Variants in TMCC1 observed in about 807,000 individuals in gnomAD.
TMCC1 encodes the protein transmembrane and coiled-coil domains protein 1.
In TMCC1, 15 loss-of-function variants were observed where a neutral mutation model predicts 52.4. That is an observed-to-expected ratio of 0.29 (90% CI 0.19 to 0.44). TMCC1 has a LOEUF of 0.44. Among genes scored for constraint, TMCC1 ranks in the 20% least tolerant of loss-of-function variants. The probability of loss-of-function intolerance (pLI) is 1.00; values close to 1 mark genes in which losing one functional copy is unlikely to be tolerated. For synonymous variants in TMCC1, 279 were observed against 301.9 expected (o/e 0.92, Z 0.79); for missense variants, 503 against 806.0 (o/e 0.62, Z 4.55).
At position 129,876,209 on chromosome 3, in the gene TMCC1, T is replaced by A. The variant is rs1263179010; in HGVS notation, c.-184+4100A>T. ...CTTCATTCTTTTGATAATTGCTATG[T>A]TGAACACAACCTGCTAACTGCTTTA... On this transcript the variant is annotated intron_variant, in intron 2 of 6. Coordinates refer to ENST00000393238, the MANE Select transcript of TMCC1 (RefSeq NM_001017395.5). Among the ~76,000 whole-genome samples the A allele has an allele frequency of 3.3e-5, 5 of 151,424 alleles. No individual in the cohort carries two copies. The East Asian group carries it at 9.6e-4, about 29-fold the overall frequency.
intron 4 of TMCC1, among the ~76,000 whole-genome samples, chr3:129,785,252 A>G (rs1008759289): frequency 2.0e-5 from 3 of 152,300 alleles, no homozygotes; most frequent in Non-Finnish European, 4.4e-5. Flanking sequence ...AGTGTCAGTG[A>G]AAAACAGTAA....
intron 4 of TMCC1, among the ~76,000 whole-genome samples, chr3:129,795,467 T>TTC (rs2056759711): frequency 6.6e-6 from 1 of 152,170 alleles, no homozygotes; most frequent in African/African-American, 2.4e-5. Context: ...ATATTTTTTT[T>TTC]CCCTGTTCCA....
At chr3:129,807,821 C>T (rs551976797) in intron 4 of TMCC1, among the ~76,000 whole-genome samples, 2 of 152,156 alleles carry the variant, frequency 1.3e-5, no homozygotes, top group South Asian at 4.1e-4. Context: ...CTTCCATGCA[C>T]CCTTATTCTA....
At chr3:129,805,353 G>A (rs1560456863) in intron 4 of TMCC1, among the ~76,000 whole-genome samples, 1 of 152,024 alleles carries the variant, frequency 6.6e-6, no homozygotes, top group Admixed American at 6.6e-5. Flanking sequence ...TGTAGAGATA[G>A]GGTTTTGCCT....
intron 4 of TMCC1, among the ~76,000 whole-genome samples, chr3:129,822,205 T>A (rs928122925): frequency 6.6e-6 from 1 of 152,224 alleles, no homozygotes; most frequent in African/African-American, 2.4e-5. Flanking sequence ...GGGATTAAAA[T>A]AACTTTAGGG....
At chr3:129,879,774 AT>A (rs1336676514) in intron 2 of TMCC1, among the ~76,000 whole-genome samples, 1 of 152,216 alleles carries the variant, frequency 6.6e-6, no homozygotes, top group Non-Finnish European at 1.5e-5. Context: ...TCATACAGCC[AT>A]AATATTATGC....
chr3:129,648,011 C>G lies in TMCC1; in HGVS notation c.*3470G>C, dbSNP rs1467257705. 1 of 152,652 alleles carries G rather than the reference C, an allele frequency of 6.6e-6. No individual in the cohort carries two copies. Among genetic ancestry groups the G allele is most frequent in the Non-Finnish European group, 1.5e-5 (1 of 68,048 alleles). The allele number at this position is 152,652 out of a possible 1,614,324, so 9.5% of individuals were successfully genotyped here. A position where few individuals can be genotyped will look rare whatever the true frequency, so the allele number is the denominator to read the frequency against. On this transcript the variant is annotated 3_prime_UTR_variant, in exon 7 of 7. Transcript: ENST00000393238. ...TTCTTACACACTTTGATAAAACACA[C>G]AGTCTAGTAGTCAATCCCTACTGAG...
At chr3:129,796,919 A>G (rs2056868395) in intron 4 of TMCC1, among the ~76,000 whole-genome samples, 1 of 152,248 alleles carries the variant, frequency 6.6e-6, no homozygotes, top group African/African-American at 2.4e-5. Context: ...AAACACAAAA[A>G]AATGAATTTG....
chr3:129,673,583 G>T (rs978190174), intron 4 of TMCC1, among the ~76,000 whole-genome samples: 12 of 152,152 alleles, frequency 7.9e-5, no homozygotes, highest in African/African-American at 2.9e-4. Context: ...AGGCACAGTG[G>T]CTCACACCTG....
At chr3:129,891,135 C>T (rs2061946776) in intron 1 of TMCC1, among the ~76,000 whole-genome samples, 1 of 152,220 alleles carries the variant, frequency 6.6e-6, no homozygotes, top group African/African-American at 2.4e-5. Context: ...TTTCAGGTCA[C>T]AACTCAAATA....
At chr3:129,824,895 A>C (rs1274699338) in intron 4 of TMCC1, among the ~76,000 whole-genome samples, 1 of 152,226 alleles carries the variant, frequency 6.6e-6, no homozygotes, top group Admixed American at 6.5e-5. Context: ...AAAATTTTTT[A>C]TTCTAACATT....
intron 4 of TMCC1, among the ~76,000 whole-genome samples, chr3:129,677,322 A>G (rs183989252): frequency 4.1e-4 from 63 of 152,346 alleles, no homozygotes; most frequent in African/African-American, 1.5e-3. Context: ...AGAATGAAGT[A>G]TATTATATAC....
At chr3:129,720,879 G>A (rs1326679420) in intron 4 of TMCC1, among the ~76,000 whole-genome samples, 1 of 151,780 alleles carries the variant, frequency 6.6e-6, no homozygotes, top group East Asian at 1.9e-4. Context: ...TTTTTTTAAA[G>A]ACAAGCTCTC....
chr3:129,770,760 T>C (rs1299845193), intron 4 of TMCC1, among the ~76,000 whole-genome samples: 1 of 152,164 alleles, frequency 6.6e-6, no homozygotes, highest in East Asian at 1.9e-4. Flanking sequence ...TGTGGAAATT[T>C]CCTCATACCC....
chr3:129,709,311 G>GA (rs998334757), intron 4 of TMCC1, among the ~76,000 whole-genome samples: 1 of 150,558 alleles, frequency 6.6e-6, no homozygotes, highest in African/African-American at 2.4e-5. Context: ...AAAACTTAAA[G>GA]AAAAAAAATA....
intron 4 of TMCC1, among the ~76,000 whole-genome samples, chr3:129,754,201 A>C (rs1274311775): frequency 1.3e-5 from 2 of 152,218 alleles, no homozygotes; most frequent in Non-Finnish European, 2.9e-5. Context: ...TGTATGTGAA[A>C]AACTACAAAA....
intron 4 of TMCC1, among the ~76,000 whole-genome samples, chr3:129,788,405 C>T (rs537773201): frequency 1.3e-5 from 2 of 152,238 alleles, no homozygotes; most frequent in African/African-American, 4.8e-5. Context: ...ATTCTCTATT[C>T]CTTATCCATT....
chr3:129,654,963 C>T lies in TMCC1; in HGVS notation c.1647+5G>A, dbSNP rs1371207378. The T allele has an allele frequency of 1.4e-5, 22 of 1,613,542 alleles. No homozygotes were observed. In the East Asian group the frequency reaches 4.5e-4, roughly 33 times the overall value. Reference sequence around the variant, plus strand: ...TTGCATTTACACCTTTTCCTTCATACTAACCTGGATGTCCCGGGCCCGTTC... The same window carrying T: ...TTGCATTTACACCTTTTCCTTCATATTAACCTGGATGTCCCGGGCCCGTTC... On this transcript the variant is annotated splice_donor_5th_base_variant and intron_variant, in intron 6 of 6. Transcript: ENST00000393238.
chr3:129,843,142 C>T (rs1025238388), intron 2 of TMCC1, among the ~76,000 whole-genome samples: 6 of 151,964 alleles, frequency 3.9e-5, no homozygotes, highest in Admixed American at 6.6e-5. Context: ...GTCAGGAGAT[C>T]GAGACCATCC....
Sources: gnomAD v4.1 joint callset for allele counts (sites outside exome capture counted in the v4.1 genomes callset) on GRCh38, gnomAD v4.1.1 for gene constraint, MANE v1.5 for transcripts, NCBI Gene and HGNC (gene_info 2026-07-23, HGNC 2026-07-21) for gene names.